Variants in ACTR3B observed in about 807,000 individuals in gnomAD.
ACTR3B encodes the protein actin-related protein 3B.
A neutral mutation model predicts 59.0 loss-of-function variants in ACTR3B; 8 were observed. That is an observed-to-expected ratio of 0.14 (90% CI 0.08 to 0.24). ACTR3B has a LOEUF of 0.24. Among genes scored for constraint, ACTR3B ranks in the 10% least tolerant of loss-of-function variants. ACTR3B has a pLI of 1.00. For missense variants in ACTR3B, 245 were observed against 552.3 expected, an observed-to-expected ratio of 0.44 and a Z score of 5.58; for synonymous variants, 148 against 197.9, an observed-to-expected ratio of 0.75 and a Z score of 2.12.
chr7:152,800,152 T>G (rs1225051755), intron 2 of ACTR3B, among the ~76,000 whole-genome samples: 4 of 152,266 alleles, frequency 2.6e-5, no homozygotes, highest in African/African-American at 9.6e-5. Context: ...ACTCTCCTTT[T>G]CTGTATTGTA....
At position 152,814,595 on chromosome 7, in the gene ACTR3B, G is replaced by C. The variant is rs1196153813; in HGVS notation, c.382G>C (p.Glu128Gln). The C allele has an allele frequency of 6.2e-7, 1 of 1,613,748 alleles. No individual in the cohort carries two copies. Residue 128 changes from glutamate (E) to glutamine (Q), a missense_variant, in exon 5 of 12, where the codon GAA (glutamate) becomes CAA (glutamine). Around this residue, in one of 7 missense-constraint regions of ACTR3B, gnomAD observed 40 missense variants for 70.4 expected, o/e 0.57. Transcript: ENST00000256001. ...NTPENREYLA[E>Q]IMFESFNVPG... ...ACCAGAAAACAGAGAGTATCTTGCA[G>C]AAATTATGTTTGAATCATTTAACGT...
chr7:152,792,148 A>T (rs1484786636), intron 2 of ACTR3B, among the ~76,000 whole-genome samples: 1 of 152,042 alleles, frequency 6.6e-6, no homozygotes, highest in East Asian at 1.9e-4. Flanking sequence ...CGGCCTTCCA[A>T]AGTGCTGGGA....
chr7:152,845,775 G>C (rs1329757578), intron 9 of ACTR3B, among the ~76,000 whole-genome samples: 2 of 152,316 alleles, frequency 1.3e-5, no homozygotes, highest in African/African-American at 4.8e-5. Context: ...ATCGGCCAGG[G>C]CCCTGCCTGC....
intron 10 of ACTR3B, among the ~76,000 whole-genome samples, chr7:152,853,035 T>A (rs939664365): frequency 3.3e-5 from 5 of 152,024 alleles, no homozygotes; most frequent in Non-Finnish European, 7.4e-5. Flanking sequence ...TTGTGATCCA[T>A]GCGCCTCGGC....
At chr7:152,817,738 TACAC>T (rs965214219) in intron 6 of ACTR3B, among the ~76,000 whole-genome samples, 1 of 152,236 alleles carries the variant, frequency 6.6e-6, no homozygotes, top group African/African-American at 2.4e-5. Flanking sequence ...TATATTTACA[TACAC>T]ACAGCTCTTT....
At chr7:152,810,518 C>T (rs1330386750) in intron 4 of ACTR3B, among the ~76,000 whole-genome samples, 1 of 151,642 alleles carries the variant, frequency 6.6e-6, no homozygotes, top group Non-Finnish European at 1.5e-5. Context: ...ACTACAGCCT[C>T]GACCTCCTGG....
rs1186120268 is a variant in ACTR3B, at chr7:152,824,216, C to G, written c.858+701C>G. 6.6e-6 allele frequency among the ~76,000 whole-genome samples: 1 copy of G among 152,156 alleles called. No homozygotes were observed. Among genetic ancestry groups the G allele is most frequent in the Non-Finnish European group, 1.5e-5 (1 of 68,036 alleles). On this transcript the variant is annotated intron_variant, in intron 8 of 11. Transcript: ENST00000256001. The surrounding 1 kb of genome is among the most constrained non-coding windows in gnomAD (Gnocchi z 4.2). ...TGTTTGTTTTTAGATGTGTATATGA[C>G]TATTTTGTACAGAGAAACAGCATAG...
chr7:152,811,033 A>C (rs550421794), intron 4 of ACTR3B: 111 of 151,640 alleles, frequency 7.3e-4, no homozygotes, highest in African/African-American at 2.5e-3. Context: ...CATAGAGTTC[A>C]TTTTTTTAAA....
intron 7 of ACTR3B, among the ~76,000 whole-genome samples, chr7:152,821,665 A>T (rs1410700314): frequency 1.3e-5 from 2 of 152,098 alleles, no homozygotes; most frequent in Non-Finnish European, 2.9e-5. Context: ...ATCTGGGCTG[A>T]TGTGCTCGAT....
intron 9 of ACTR3B, among the ~76,000 whole-genome samples, chr7:152,847,933 G>A (rs1416075469): frequency 1.3e-5 from 2 of 152,196 alleles, no homozygotes; most frequent in African/African-American, 4.8e-5. Context: ...ATGGCTCGCG[G>A]TGCAAGTTCA....
At chr7:152,807,831 G>A (rs2098257098) in intron 4 of ACTR3B, among the ~76,000 whole-genome samples, 1 of 151,826 alleles carries the variant, frequency 6.6e-6, no homozygotes, top group African/African-American at 2.4e-5. Context: ...TGCTTTTCTT[G>A]TTGCTGTGAT....
In ACTR3B at chr7:152,853,534, A is replaced by G. The variant is rs1437015055; in HGVS notation, c.1118A>G (p.Gln373Arg). 1.9e-6 allele frequency: 3 copies of G among 1,613,760 alleles called. No homozygotes were observed. The highest frequency in any genetic ancestry group is 2.5e-6 in the Non-Finnish European group (3 of 1,179,966). ...VEVQVVTHHM[Q>R]RYAVWFGGSM... is the part of the protein sequence containing the mutation. ...GTCCAGGTGGTCACGCATCACATGC[A>G]GCGCTACGCCGTGTGGTTCGGAGGC... The change falls in exon 11 of 12, where the codon CAG (glutamine) becomes CGG (arginine). Residue 373 changes from glutamine (Q) to arginine (R), a missense_variant. By Grantham distance (43) the Gln-to-Arg change is conservative (BLOSUM62 1). Coordinates refer to ENST00000256001, the MANE Select transcript of ACTR3B (RefSeq NM_020445.6).
In ACTR3B at chr7:152,818,606, A is replaced by G. The variant is rs566997368; in HGVS notation, c.541-1693A>G. On this transcript the variant is annotated intron_variant, in intron 6 of 11. Transcript: ENST00000256001. ...GCTGGGATTACAGGCATGCGCCACC[A>G]TGCCTGACTAATTTGTATTTTTAGT... 5.5e-4 allele frequency among the ~76,000 whole-genome samples: 84 copies of G among 152,270 alleles called. 1 individual carries two copies. The highest frequency in any genetic ancestry group is 1.9e-3 in the African/African-American group (80 of 41,548).
chr7:152,780,949 G>A lies in ACTR3B; in HGVS notation c.45-2238G>A, dbSNP rs375485170. Among the ~76,000 whole-genome samples, 9 of 150,854 alleles carry A rather than the reference G, an allele frequency of 6.0e-5. No individual in the cohort carries two copies. In the East Asian group the frequency reaches 1.8e-3, roughly 29 times the overall value. ...CAACCTCGAACTCCTGGGCTTAACG[G>A]GTCCTCTTGCCTCAGTCTATTATCC... On this transcript the variant is annotated intron_variant, in intron 1 of 11. Coordinates refer to ENST00000256001, the MANE Select transcript of ACTR3B (RefSeq NM_020445.6).
Position 152,759,796 on chromosome 7 carries a change from C to G in ACTR3B, c.-87C>G, listed in dbSNP as rs1462799053. 8.4e-6 allele frequency: 9 copies of G among 1,067,978 alleles called. No homozygotes were observed. Among genetic ancestry groups the G allele is most frequent in the African/African-American group, 1.7e-5 (1 of 59,814 alleles). The allele number at this position is 1,067,978 out of a possible 1,614,324, so 66.2% of individuals were successfully genotyped here. A position where few individuals can be genotyped will look rare whatever the true frequency, so the allele number is the denominator to read the frequency against. On this transcript the variant is annotated 5_prime_UTR_variant, in exon 1 of 12. Transcript: ENST00000256001. ...GCGCTGCGGCGGCTCGCGGGAGACG[C>G]TGCGCGCGGGGCTAGCGGGCGGCGG... is the stretch of plus-strand genomic sequence containing the variant.
intron 10 of ACTR3B, among the ~76,000 whole-genome samples, 180 bp downstream of exon 10, chr7:152,852,431 G>T (rs1480843845): frequency 6.6e-6 from 1 of 152,178 alleles, no homozygotes; most frequent in Admixed American, 6.5e-5. Flanking sequence ...GTCCTTCCAG[G>T]CTGGTAGTTC....
rs564738388 is a variant in ACTR3B at position 152,853,458 on chromosome 7, G to T, written c.1078-36G>T. ...GGATGATTAGATCACATGTGTCTGT[G>T]GGTGTGGGGTAAGTGAGAGCTGCTT... On this transcript the variant is annotated intron_variant, in intron 10 of 11. Coordinates refer to ENST00000256001, the MANE Select transcript of ACTR3B (RefSeq NM_020445.6). The T allele has an allele frequency of 3.8e-6, 6 of 1,594,030 alleles. No individual in the cohort carries two copies. The South Asian group carries it at 6.7e-5, about 18-fold the overall frequency.
chr7:152,761,468 A>G (rs1590176360), intron 1 of ACTR3B, among the ~76,000 whole-genome samples: 1 of 152,246 alleles, frequency 6.6e-6, no homozygotes, highest in East Asian at 1.9e-4. Context: ...CAGAGTTGTC[A>G]TACCTTTAAG....
chr7:152,763,091 G>A (rs1453278040), intron 1 of ACTR3B, among the ~76,000 whole-genome samples: 19 of 151,936 alleles, frequency 1.3e-4, no homozygotes, highest in South Asian at 2.1e-4. Flanking sequence ...CGAGGCGGGC[G>A]GATCACCTGA....
Sources: allele counts gnomAD v4.1 joint callset (sites outside exome capture counted in the v4.1 genomes callset), GRCh38; gene constraint gnomAD v4.1.1; regional missense constraint gnomAD v4.1.1; non-coding constraint Gnocchi (gnomAD v3.1); transcripts MANE v1.5; gene names NCBI Gene and HGNC (gene_info 2026-07-23, HGNC 2026-07-21).